The following SORBS2 variants were observed in gnomAD, a reference collection of about 807,000 sequenced individuals.
The protein encoded by SORBS2 is sorbin and SH3 domain containing 2, also known as sorbin and SH3 domain-containing protein 2.
In SORBS2, 46 loss-of-function variants were observed where a neutral mutation model predicts 97.7. The ratio of observed to expected loss-of-function variants is 0.47; its 90% CI spans 0.37 to 0.60. The LOEUF (loss-of-function observed/expected upper bound fraction) is 0.60. SORBS2 is among the 20% of genes least tolerant of loss of function. The pLI is 0.00. For synonymous variants in SORBS2, 476 were observed against 473.4 expected (o/e 1.01, Z -0.07); for missense variants, 1,316 against 1,282.3 (o/e 1.03, Z -0.40).
intron 9 of SORBS2, 128 bp from the exon 22 acceptor site, chr4:185,615,287 A>C (rs907331718): frequency 1.6e-6 from 1 of 644,704 alleles, no homozygotes. Flanking sequence ...ATTGATATTG[A>C]GTCCGATTAG....
At chr4:185,626,695 G>T in intron 6 of SORBS2, 137 bp downstream of exon 18, 3 of 857,582 alleles carry the variant, frequency 3.5e-6, no homozygotes, top group Non-Finnish European at 5.5e-6. Context: ...GAAGGCTATT[G>T]TTCTAAAACT....
chr4:185,767,432 G>A lies in SORBS2; in HGVS notation c.-198+7795C>T, dbSNP rs572082895. Among the ~76,000 whole-genome samples the A allele has an allele frequency of 8.8e-4, 126 of 142,424 alleles. 3 individuals are homozygous for A. Among genetic ancestry groups the A allele is most frequent in the African/African-American group, 3.0e-3 (119 of 39,188 alleles). The allele number at this position is 142,424 out of a possible 152,430, so 93.4% of individuals were successfully genotyped here. Reference sequence around the variant, plus strand: ...GGGGAATGGCGTGAACCCGGGAGGCGGAGCTTGCAGTGAGCCGAGATCGCG... The same window carrying A: ...GGGGAATGGCGTGAACCCGGGAGGCAGAGCTTGCAGTGAGCCGAGATCGCG... On this transcript the variant is annotated intron_variant, in intron 2 of 20. Transcript: ENST00000284776.
chr4:185,701,117 C>T (rs2098255531), intron 2 of SORBS2, among the ~76,000 whole-genome samples: 1 of 152,164 alleles, frequency 6.6e-6, no homozygotes, highest in Non-Finnish European at 1.5e-5. Context: ...GTAGTGAAAT[C>T]CTACTCAGTC....
Position 185,666,259 on chromosome 4 carries a change from CCT to C in SORBS2, c.-45-4019_-45-4018del, listed in dbSNP as rs901012626. Reference sequence around the variant, plus strand: ...ATAAATTATCCAATTAACAAAAGTACCTCTTTTTGCGATGTGGCAGAGAAGGC... The same window carrying C: ...ATAAATTATCCAATTAACAAAAGTACCTTTTTGCGATGTGGCAGAGAAGGC... On this transcript the variant is annotated intron_variant, in intron 4 of 20. Transcript: ENST00000284776. 10 of 970,166 alleles carry C rather than the reference CCT, an allele frequency of 1.0e-5. No homozygotes were observed. In the African/African-American group the frequency reaches 1.5e-4, roughly 15 times the overall value. The allele number at this position is 970,166 out of a possible 1,614,324, so 60.1% of individuals were successfully genotyped here.
chr4:185,927,223 T>C (rs1461032123), intron 1 of SORBS2, among the ~76,000 whole-genome samples: 1 of 150,436 alleles, frequency 6.6e-6, no homozygotes, highest in Non-Finnish European at 1.5e-5. Context: ...ATATAATTTT[T>C]GTTTGGTTTT....
intron 2 of SORBS2, 51 bp downstream of exon 10, chr4:185,652,611 A>T: frequency 7.3e-7 from 1 of 1,364,370 alleles, no homozygotes; most frequent in Non-Finnish European, 1.0e-6. Flanking sequence ...AGACGAATGT[A>T]GTCCCTTCAA....
chr4:185,834,681 C>A (rs910555046), intron 1 of SORBS2, among the ~76,000 whole-genome samples: 9 of 151,626 alleles, frequency 5.9e-5, no homozygotes, highest in African/African-American at 1.5e-4. Context: ...CTAGGTTGGG[C>A]CTTATACATT....
At chr4:185,704,827 G>A (rs2098319842) in intron 2 of SORBS2, among the ~76,000 whole-genome samples, 1 of 152,216 alleles carries the variant, frequency 6.6e-6, no homozygotes, top group Non-Finnish European at 1.5e-5. Flanking sequence ...AGCATTTCTA[G>A]TCCTTTTGAT....
intron 2 of SORBS2, among the ~76,000 whole-genome samples, chr4:185,767,499 C>CAAAAAAAA (rs70962594): frequency 6.4e-4 from 39 of 60,640 alleles, no homozygotes; most frequent in Middle Eastern, 9.1e-3. Context: ...GACTCTGTCT[C>CAAAAAAAA]AAAAAAAAAA....
chr4:185,934,873 C>T (rs28567591), intron 1 of SORBS2, among the ~76,000 whole-genome samples: 15,872 of 151,966 alleles, frequency 0.1, 1,460 homozygotes, highest in African/African-American at 0.25. Context: ...TTTCTAAACA[C>T]TGTTCTGTGG....
intron 1 of SORBS2, among the ~76,000 whole-genome samples, chr4:185,832,969 TTC>T (rs2099205912): frequency 1.3e-5 from 2 of 152,172 alleles, no homozygotes; most frequent in African/African-American, 4.8e-5. Flanking sequence ...AATTCTTTTC[TTC>T]TAGTGATGGC....
intron 2 of SORBS2, among the ~76,000 whole-genome samples, chr4:185,737,894 G>C (rs996113473): frequency 1.3e-5 from 2 of 152,196 alleles, no homozygotes; most frequent in African/African-American, 4.8e-5. Flanking sequence ...AACACATTTG[G>C]GAGCTCCAGG....
chr4:185,723,053 G>A (rs2098528063), intron 2 of SORBS2, among the ~76,000 whole-genome samples: 1 of 151,982 alleles, frequency 6.6e-6, no homozygotes, highest in Non-Finnish European at 1.5e-5. Context: ...AACAGGCCTA[G>A]CACAGTGCCT....
At chr4:185,713,737 A>G (rs2098443474) in intron 2 of SORBS2, among the ~76,000 whole-genome samples, 1 of 152,258 alleles carries the variant, frequency 6.6e-6, no homozygotes, top group African/African-American at 2.4e-5. Flanking sequence ...TTTATAATTT[A>G]GTGAGTAGAA....
intron 2 of SORBS2, among the ~76,000 whole-genome samples, chr4:185,700,534 C>A (rs1428329425): frequency 6.6e-6 from 1 of 152,032 alleles, no homozygotes; most frequent in Non-Finnish European, 1.5e-5. Context: ...CAAATTTATG[C>A]TTTAAATTGA....
intron 1 of SORBS2, among the ~76,000 whole-genome samples, chr4:185,875,279 G>A (rs1335577388): frequency 6.6e-6 from 1 of 152,170 alleles, no homozygotes; most frequent in Non-Finnish European, 1.5e-5. Flanking sequence ...ATAAGCACAT[G>A]AGGTGATACA....
chr4:185,614,699 A>T, intron 11 of SORBS2, 132 bp downstream of exon 23: 1 of 1,178,336 alleles, frequency 8.5e-7, no homozygotes, highest in Non-Finnish European at 1.2e-6. Context: ...AGTCCTTTGT[A>T]GAAAATAGGG....
intron 1 of SORBS2, among the ~76,000 whole-genome samples, chr4:185,827,070 C>CATA (rs2099200412): frequency 4.6e-5 from 1 of 21,708 alleles, no homozygotes; most frequent in African/African-American, 1.6e-4. Flanking sequence ...TCATCATCAC[C>CATA]ATCATCATCA....
chr4:185,932,563 C>T (rs545802221), intron 1 of SORBS2, among the ~76,000 whole-genome samples: 3 of 152,238 alleles, frequency 2.0e-5, no homozygotes, highest in East Asian at 1.9e-4. Context: ...GCCTACCGCA[C>T]GGCATTTTCT....
Sources: gnomAD v4.1 joint callset for allele counts (sites outside exome capture counted in the v4.1 genomes callset) on GRCh38, gnomAD v4.1.1 for gene constraint, MANE v1.5 for transcripts, NCBI Gene and HGNC (gene_info 2026-07-23, HGNC 2026-07-21) for gene names.